EEF1AKMT2: variants seen among roughly 807,000 people sequenced by gnomAD.
The protein encoded by EEF1AKMT2 is eukaryotic translation elongation factor 1 alpha lysine methyltransferase 2.
A neutral mutation model predicts 35.8 loss-of-function variants in EEF1AKMT2; 32 were observed. The observed-to-expected ratio is 0.89, with a 90% CI of 0.67 to 1.20. The LOEUF is 1.20. EEF1AKMT2 is among the 50% of genes most tolerant of loss of function. The pLI, the probability that EEF1AKMT2 is intolerant of heterozygous loss-of-function variation, is 0.00. For synonymous variants in EEF1AKMT2, 121 were observed against 133.7 expected, an observed-to-expected ratio of 0.91 and a Z score of 0.65; for missense variants, 330 against 347.5, an observed-to-expected ratio of 0.95 and a Z score of 0.40.
At chr10:124,771,278 T>C (rs1950432154) in intron 4 of EEF1AKMT2, among the ~76,000 whole-genome samples, 1 of 151,846 alleles carries the variant, frequency 6.6e-6, no homozygotes, top group Non-Finnish European at 1.5e-5. Context: ...TCTTTGTATT[T>C]TTAGTAGAGA....
intron 4 of EEF1AKMT2, among the ~76,000 whole-genome samples, chr10:124,765,972 C>T (rs1950375405): frequency 6.6e-6 from 1 of 152,052 alleles, no homozygotes; most frequent in South Asian, 2.1e-4. Flanking sequence ...TTAAAAATGA[C>T]AATTTATTTG....
At chr10:124,774,817 T>G in intron 3 of EEF1AKMT2, 35 bp from the exon 4 acceptor site, 2 of 1,016,430 alleles carry the variant, frequency 2.0e-6, no homozygotes, top group Non-Finnish European at 2.7e-6. Context: ...TAGTATAAAA[T>G]TTTAATATAA....
intron 1 of EEF1AKMT2, 113 bp downstream of exon 1, chr10:124,791,611 C>A (rs978866832): frequency 6.3e-5 from 92 of 1,455,574 alleles, no homozygotes; most frequent in Non-Finnish European, 7.6e-5. Context: ...GCTCCCGTCA[C>A]GCCCCCGAGG....
chr10:124,783,273 T>C (rs1293629108), intron 3 of EEF1AKMT2, among the ~76,000 whole-genome samples: 2 of 151,218 alleles, frequency 1.3e-5, no homozygotes, highest in African/African-American at 4.9e-5. Context: ...CCTGAGTAGC[T>C]GTGACTACTC....
chr10:124,789,344 G>A (rs1950614641), intron 2 of EEF1AKMT2, among the ~76,000 whole-genome samples, 187 bp from the exon 3 acceptor site: 1 of 152,184 alleles, frequency 6.6e-6, no homozygotes, highest in African/African-American at 2.4e-5. Flanking sequence ...GAATAGACAA[G>A]GTCAGTATGT....
intron 3 of EEF1AKMT2, chr10:124,782,993 A>G (rs541902265): frequency 1.2e-5 from 5 of 426,810 alleles, no homozygotes; most frequent in Non-Finnish European, 1.8e-5. Flanking sequence ...CACTTCAAAT[A>G]TAATAATAAG....
chr10:124,790,766 C>T (rs1489646438), intron 1 of EEF1AKMT2, among the ~76,000 whole-genome samples: 1 of 151,540 alleles, frequency 6.6e-6, no homozygotes, highest in Non-Finnish European at 1.5e-5. Context: ...TTTCTCTGGA[C>T]GCTTTTCTTC....
chr10:124,771,868 CA>C (rs1047911285), intron 4 of EEF1AKMT2, among the ~76,000 whole-genome samples: 1 of 149,494 alleles, frequency 6.7e-6, no homozygotes, highest in African/African-American at 2.5e-5. Context: ...GACTCCGTCT[CA>C]AAAAAAAACA....
chr10:124,785,497 G>A (rs1480698584), intron 3 of EEF1AKMT2, among the ~76,000 whole-genome samples: 1 of 152,034 alleles, frequency 6.6e-6, no homozygotes, highest in Admixed American at 6.6e-5. Context: ...TCTTGTACCT[G>A]GTGAAGAACT....
chr10:124,782,409 C>T (rs1030798909), intron 3 of EEF1AKMT2, among the ~76,000 whole-genome samples: 1 of 151,646 alleles, frequency 6.6e-6, no homozygotes, highest in Admixed American at 6.6e-5. Flanking sequence ...GGTGAAACCC[C>T]GTCTCTACTA....
Position 124,790,266 on chromosome 10 carries a change from A to G in EEF1AKMT2, c.176+7T>C, listed in dbSNP as rs777634555. ...TAGATTATAACTTGATTCTTTTCCT[A>G]ACTCACCAGATTTCACCTGTATCTC... On this transcript the variant is annotated splice_region_variant and intron_variant, in intron 2 of 6. Transcript: ENST00000368836. 6.3e-6 allele frequency: 10 copies of G among 1,596,542 alleles called. No homozygotes were observed. The highest frequency in any genetic ancestry group is 1.7e-4 in the Middle Eastern group (1 of 6,052).
chr10:124,790,982 C>A (rs1245578296), intron 1 of EEF1AKMT2, among the ~76,000 whole-genome samples: 1 of 152,172 alleles, frequency 6.6e-6, no homozygotes, highest in Non-Finnish European at 1.5e-5. Flanking sequence ...TCAGGCTGGT[C>A]TCGATCTCCT....
chr10:124,772,773 T>C (rs1430028077), intron 4 of EEF1AKMT2, among the ~76,000 whole-genome samples: 1 of 152,198 alleles, frequency 6.6e-6, no homozygotes, highest in Non-Finnish European at 1.5e-5. Context: ...TACTGCTAGC[T>C]TCAAACTTTT....
chr10:124,791,629 T>A, intron 1 of EEF1AKMT2, 95 bp downstream of exon 1: 2 of 1,510,724 alleles, frequency 1.3e-6, no homozygotes, highest in South Asian at 1.2e-5. Context: ...AGGGTCTCCC[T>A]GTCCCTGAGC....
intron 3 of EEF1AKMT2, among the ~76,000 whole-genome samples, chr10:124,775,065 A>G (rs562638153): frequency 1.5e-4 from 23 of 152,332 alleles, no homozygotes; most frequent in African/African-American, 5.1e-4. Context: ...CTCAGGCAAA[A>G]AAAGGTAACA....
chr10:124,770,878 C>T (rs994304901), intron 4 of EEF1AKMT2, among the ~76,000 whole-genome samples: 1 of 152,312 alleles, frequency 6.6e-6, no homozygotes, highest in East Asian at 1.9e-4. Flanking sequence ...ACTGTAGCAA[C>T]TCAGTTACAC....
intron 4 of EEF1AKMT2, 79 bp from the exon 5 acceptor site, chr10:124,765,687 T>C: frequency 9.3e-7 from 1 of 1,075,360 alleles, no homozygotes; most frequent in Non-Finnish European, 1.3e-6. Context: ...CTGTAAAAGG[T>C]TATTAATAAA....
rs1273743090 is a variant in EEF1AKMT2 at position 124,775,800 on chromosome 10, T to A, written c.292-1018A>T. On this transcript the variant is annotated intron_variant, in intron 3 of 6. Coordinates refer to ENST00000368836, the MANE Select transcript of EEF1AKMT2 (RefSeq NM_212554.4). ...AATATTCTCTTTTTTGATGCCAACC[T>A]TCCACCCTTTTAGCTGTATCCCTCC... Among the ~76,000 whole-genome samples, 5 of 152,166 alleles carry A rather than the reference T, an allele frequency of 3.3e-5. No individual in the cohort carries two copies. The South Asian group carries it at 1.0e-3, about 31-fold the overall frequency.
intron 4 of EEF1AKMT2, among the ~76,000 whole-genome samples, chr10:124,771,823 C>G (rs1182714850): frequency 6.6e-6 from 1 of 152,040 alleles, no homozygotes; most frequent in South Asian, 2.1e-4. Flanking sequence ...GAGCTGAGAT[C>G]GAGTCACTAC....
Sources: allele counts gnomAD v4.1 joint callset (sites outside exome capture counted in the v4.1 genomes callset), GRCh38; gene constraint gnomAD v4.1.1; transcripts MANE v1.5; gene names NCBI Gene and HGNC (gene_info 2026-07-23, HGNC 2026-07-21).